The following LRRC37A2 variants were observed in gnomAD, a reference collection of about 807,000 sequenced individuals.
LRRC37A2 encodes the protein leucine-rich repeat-containing protein 37A2.
LRRC37A2 carries 9 observed loss-of-function variants against 68.8 expected under a neutral mutation model. The ratio of observed to expected loss-of-function variants is 0.13; its 90% CI spans 0.08 to 0.23. The LOEUF (loss-of-function observed/expected upper bound fraction) is 0.23, where lower values mean the gene tolerates loss of function less well. Ranked by LOEUF, LRRC37A2 falls within the 10% of genes least tolerant of loss-of-function variation. The probability of loss-of-function intolerance (pLI) is 1.00; values close to 1 mark genes in which losing one functional copy is unlikely to be tolerated. For missense variants in LRRC37A2, 168 were observed against 950.4 expected (o/e 0.18, Z 10.82); for synonymous variants, 63 against 367.6 (o/e 0.17, Z 9.48).
chr17:46,800,968 T>A, the LRRC37A2 span, among the ~76,000 whole-genome samples: 15 of 151,952 alleles, frequency 9.9e-5, no homozygotes, highest in African/African-American at 3.1e-4. Context: ...AGAAGTGAGG[T>A]GTGCACGAGA....
chr17:46,744,363 G>C, the LRRC37A2 span, among the ~76,000 whole-genome samples: 1 of 152,122 alleles, frequency 6.6e-6, no homozygotes, highest in Non-Finnish European at 1.5e-5. Flanking sequence ...ATTCTACTAA[G>C]CAGAAAATAA....
the LRRC37A2 span, among the ~76,000 whole-genome samples, chr17:47,000,395 T>G: frequency 6.6e-6 from 1 of 151,638 alleles, no homozygotes; most frequent in African/African-American, 2.4e-5. Context: ...CCACCATGCC[T>G]GGCTAATTTT....
chr17:46,718,243 C>G, the LRRC37A2 span, among the ~76,000 whole-genome samples: 1 of 152,194 alleles, frequency 6.6e-6, no homozygotes, highest in Admixed American at 6.5e-5. Flanking sequence ...TGCACCCCTG[C>G]ATTTCTTGTC....
the LRRC37A2 span, among the ~76,000 whole-genome samples, chr17:46,823,431 G>C: frequency 4.6e-5 from 7 of 150,856 alleles, no homozygotes; most frequent in African/African-American, 1.7e-4. Context: ...GGCCAGGCTG[G>C]TCTCGAACTC....
chr17:46,825,638 C>A, the LRRC37A2 span, among the ~76,000 whole-genome samples: 1 of 152,364 alleles, frequency 6.6e-6, no homozygotes, highest in African/African-American at 2.4e-5. Context: ...CACTGATGAG[C>A]AAAAGCAGCC....
chr17:46,996,929 C>T, the LRRC37A2 span, among the ~76,000 whole-genome samples: 3 of 152,324 alleles, frequency 2.0e-5, no homozygotes, highest in South Asian at 6.2e-4. Flanking sequence ...TGGGGATAAT[C>T]CATGTACCCA....
chr17:46,765,319 C>T, the LRRC37A2 span, among the ~76,000 whole-genome samples: 2 of 152,240 alleles, frequency 1.3e-5, no homozygotes, highest in Admixed American at 6.5e-5. Flanking sequence ...CGACTCTTGC[C>T]AGAACCTTTC....
the LRRC37A2 span, among the ~76,000 whole-genome samples, chr17:46,836,097 T>A: frequency 9.3e-6 from 1 of 107,582 alleles, no homozygotes; most frequent in South Asian, 2.5e-4. Context: ...GACGCTGACG[T>A]GTGTGTGTGT....
the LRRC37A2 span, among the ~76,000 whole-genome samples, chr17:46,970,399 G>A: frequency 6.6e-6 from 1 of 152,154 alleles, no homozygotes; most frequent in South Asian, 2.1e-4. Flanking sequence ...AAATTAGCTG[G>A]GAGTGGTGGT....
chr17:46,810,742 G>A, the LRRC37A2 span, among the ~76,000 whole-genome samples: 5 of 151,926 alleles, frequency 3.3e-5, no homozygotes, highest in Admixed American at 6.6e-5. Context: ...ACCTGAACGC[G>A]GAATACAGCC....
the LRRC37A2 span, among the ~76,000 whole-genome samples, chr17:47,038,416 G>A: frequency 1.3e-5 from 2 of 151,888 alleles, no homozygotes; most frequent in African/African-American, 4.8e-5. Flanking sequence ...AGGAGTTTGA[G>A]ACCAGCCTGG....
At chr17:46,770,917 A>G in the LRRC37A2 span, among the ~76,000 whole-genome samples, 1 of 152,230 alleles carries the variant, frequency 6.6e-6, no homozygotes, top group African/African-American at 2.4e-5. Flanking sequence ...CTGCAGCCCA[A>G]CCATCTCTCT....
At chr17:46,979,885 T>G in the LRRC37A2 span, among the ~76,000 whole-genome samples, 1 of 151,996 alleles carries the variant, frequency 6.6e-6, no homozygotes, top group Non-Finnish European at 1.5e-5. Flanking sequence ...ATCTGCCTCC[T>G]AGAGAGTGTC....
At chr17:46,747,527 A>G in the LRRC37A2 span, among the ~76,000 whole-genome samples, 2 of 152,170 alleles carry the variant, frequency 1.3e-5, no homozygotes, top group Non-Finnish European at 2.9e-5. Context: ...TGATCTGTCC[A>G]TCTCAGCCTC....
chr17:47,047,501 G>A, the LRRC37A2 span, among the ~76,000 whole-genome samples: 1 of 147,980 alleles, frequency 6.8e-6, no homozygotes. Flanking sequence ...CCAAGACAAA[G>A]GAATGGGAAG....
intron 8 of LRRC37A2, among the ~76,000 whole-genome samples, chr17:46,544,802 T>C (rs2056032244): frequency 8.7e-6 from 1 of 115,280 alleles, no homozygotes; most frequent in East Asian, 3.0e-4. Context: ...ATTTACGTAT[T>C]GGAAAAAATT....
At chr17:46,940,278 C>T in the LRRC37A2 span, 2 of 1,433,842 alleles carry the variant, frequency 1.4e-6, no homozygotes, top group Non-Finnish European at 9.1e-7. Flanking sequence ...TCCATTGTTC[C>T]TACCCCTCCG....
the LRRC37A2 span, among the ~76,000 whole-genome samples, chr17:46,946,486 G>C: frequency 6.8e-6 from 1 of 146,680 alleles, no homozygotes; most frequent in East Asian, 2.0e-4. Context: ...AAAAGTAGGT[G>C]GCCTGGGATA....
chr17:46,868,595 AAAAACAAAAC>A, the LRRC37A2 span, among the ~76,000 whole-genome samples: 179 of 152,114 alleles, frequency 1.2e-3, no homozygotes, highest in Middle Eastern at 6.8e-3. Context: ...GACTCGATTA[AAAAACAAAAC>A]AAAACAAAAC....
Sources: gnomAD v4.1 joint callset for allele counts (sites outside exome capture counted in the v4.1 genomes callset) on GRCh38, gnomAD v4.1.1 for gene constraint, MANE v1.5 for transcripts, NCBI Gene and HGNC (gene_info 2026-07-23, HGNC 2026-07-21) for gene names.